TNFSF4: variants seen among roughly 807,000 people sequenced by gnomAD.
TNFSF4 encodes the protein TNF superfamily member 4.
TNFSF4 carries 4 observed loss-of-function variants against 7.3 expected under a neutral mutation model. The observed-to-expected ratio is 0.55, with a 90% CI of 0.27 to 1.25. The LOEUF is 1.25. Among genes scored for constraint, TNFSF4 ranks in the 50% most tolerant of loss-of-function variants. The pLI, the probability that TNFSF4 is intolerant of heterozygous loss-of-function variation, is 0.12. For synonymous variants in TNFSF4, 76 were observed against 83.7 expected (o/e 0.91, Z 0.50); for missense variants, 181 against 208.8 (o/e 0.87, Z 0.82).
downstream of TNFSF4, among the ~76,000 whole-genome samples, chr1:173,182,435 G>A (rs1255505569): frequency 2.0e-5 from 3 of 152,184 alleles, no homozygotes; most frequent in African/African-American, 7.2e-5. Context: ...GGTTGAAAGT[G>A]TGGTCTTGGG....
upstream of TNFSF4, among the ~76,000 whole-genome samples, chr1:173,210,064 G>A (rs1213995646): frequency 6.7e-6 from 1 of 149,848 alleles, no homozygotes; most frequent in South Asian, 2.1e-4. Flanking sequence ...TGAGGGTTTT[G>A]TTGTTGTTTG....
the TNFSF4 span, among the ~76,000 whole-genome samples, chr1:173,379,040 T>C: frequency 6.6e-6 from 1 of 151,846 alleles, no homozygotes; most frequent in Non-Finnish European, 1.5e-5. Context: ...ACAGATGTCC[T>C]ACAGGGTCTA....
At chr1:173,347,727 G>A in the TNFSF4 span, among the ~76,000 whole-genome samples, 1 of 152,176 alleles carries the variant, frequency 6.6e-6, no homozygotes, top group Non-Finnish European at 1.5e-5. Context: ...TATGGCAAGG[G>A]GGTGTATAAC....
chr1:173,263,895 T>G, the TNFSF4 span, among the ~76,000 whole-genome samples: 1 of 152,152 alleles, frequency 6.6e-6, no homozygotes, highest in Non-Finnish European at 1.5e-5. Flanking sequence ...GGGGAAATCC[T>G]GAAGGGAGGA....
chr1:173,443,967 CTT>C, the TNFSF4 span, among the ~76,000 whole-genome samples: 1 of 152,142 alleles, frequency 6.6e-6, no homozygotes, highest in Non-Finnish European at 1.5e-5. Flanking sequence ...AGCCTATAGT[CTT>C]TGTTGCCACA....
At chr1:173,432,760 GT>G in the TNFSF4 span, among the ~76,000 whole-genome samples, 1 of 151,908 alleles carries the variant, frequency 6.6e-6, no homozygotes, top group Non-Finnish European at 1.5e-5. Context: ...TTAAAAACCA[GT>G]TTTAGGTGTT....
the TNFSF4 span, chr1:173,351,859 A>G: frequency 3.3e-6 from 2 of 597,832 alleles, no homozygotes; most frequent in Admixed American, 2.1e-5. Context: ...ACAACTGTCC[A>G]TGTAGGCATT....
At chr1:173,339,812 T>A in the TNFSF4 span, among the ~76,000 whole-genome samples, 5 of 152,196 alleles carry the variant, frequency 3.3e-5, no homozygotes, top group Non-Finnish European at 5.9e-5. Context: ...TGTTTATGTC[T>A]TTATTTGGAC....
the TNFSF4 span, among the ~76,000 whole-genome samples, chr1:173,309,381 T>C: frequency 1.3e-5 from 2 of 151,906 alleles, no homozygotes; most frequent in Admixed American, 6.6e-5. Flanking sequence ...AAGTAAGAAA[T>C]ATCCTTTCAT....
the TNFSF4 span, among the ~76,000 whole-genome samples, chr1:173,379,080 T>A: frequency 3.9e-5 from 6 of 152,222 alleles, no homozygotes; most frequent in African/African-American, 1.4e-4. Context: ...CTTGGAGAGA[T>A]GTCATGCTAT....
the TNFSF4 span, chr1:173,418,633 A>G: frequency 6.6e-6 from 1 of 152,130 alleles, no homozygotes; most frequent in Non-Finnish European, 1.5e-5. Context: ...CTAAAAAAAA[A>G]AAAAAAATTA....
chr1:173,173,075 G>C, the TNFSF4 span, among the ~76,000 whole-genome samples: 11 of 152,174 alleles, frequency 7.2e-5, no homozygotes, highest in African/African-American at 2.4e-4. Context: ...GAACAGCTTG[G>C]GGGAACTACC....
At chr1:173,259,366 G>A in the TNFSF4 span, among the ~76,000 whole-genome samples, 1 of 151,762 alleles carries the variant, frequency 6.6e-6, no homozygotes, top group African/African-American at 2.4e-5. Flanking sequence ...AAGATCAAAG[G>A]TAGATAAGCT....
the TNFSF4 span, among the ~76,000 whole-genome samples, chr1:173,265,706 C>G: frequency 1.3e-5 from 2 of 152,130 alleles, no homozygotes; most frequent in African/African-American, 4.8e-5. Flanking sequence ...AGCTGAAATC[C>G]AACCACATGA....
chr1:173,343,487 T>C, the TNFSF4 span, among the ~76,000 whole-genome samples: 1 of 152,156 alleles, frequency 6.6e-6, no homozygotes, highest in Non-Finnish European at 1.5e-5. Context: ...GGAAAGGATA[T>C]GGTGATGCAG....
chr1:173,390,118 T>A, the TNFSF4 span, among the ~76,000 whole-genome samples: 1 of 152,194 alleles, frequency 6.6e-6, no homozygotes, highest in Non-Finnish European at 1.5e-5. Context: ...TATTAGAGCA[T>A]GTGGACAATA....
At chr1:173,283,298 C>G in the TNFSF4 span, among the ~76,000 whole-genome samples, 161 of 152,182 alleles carry the variant, frequency 1.1e-3, no homozygotes, top group African/African-American at 3.4e-3. Flanking sequence ...CTTTCCCCCC[C>G]CAAAAAAGAG....
the TNFSF4 span, among the ~76,000 whole-genome samples, chr1:173,270,533 G>C: frequency 4.0e-4 from 61 of 152,024 alleles, no homozygotes; most frequent in Non-Finnish European, 7.8e-4. Flanking sequence ...AAGAGTGAGA[G>C]AGTAAATAGT....
chr1:173,331,304 A>C, the TNFSF4 span, among the ~76,000 whole-genome samples: 1 of 152,174 alleles, frequency 6.6e-6, no homozygotes, highest in Non-Finnish European at 1.5e-5. Flanking sequence ...CAATTACTGC[A>C]AACTTCTGTT....
Sources: allele counts gnomAD v4.1 joint callset (sites outside exome capture counted in the v4.1 genomes callset), GRCh38; gene constraint gnomAD v4.1.1; transcripts MANE v1.5; gene names NCBI Gene and HGNC (gene_info 2026-07-23, HGNC 2026-07-21).